Variants in TNR observed in about 807,000 individuals in gnomAD.
TNR encodes tenascin R.
TNR carries 45 observed loss-of-function variants against 150.4 expected under a neutral mutation model. The observed-to-expected ratio is 0.30, with a 90% CI of 0.24 to 0.38. The LOEUF is 0.38. Among genes scored for constraint, TNR ranks in the 10% least tolerant of loss-of-function variants. The pLI is 1.00. For synonymous variants in TNR, 687 were observed against 678.4 expected (o/e 1.01, Z -0.20); for missense variants, 1,544 against 1,759.1 (o/e 0.88, Z 2.19).
intron 12 of TNR, 96 bp from the exon 13 acceptor site, chr1:175,363,923 G>C (rs2102012475): frequency 1.4e-6 from 2 of 1,447,846 alleles, no homozygotes; most frequent in Non-Finnish European, 1.9e-6. Context: ...AGCCAATGTT[G>C]TCCCAAAGGC....
At chr1:175,469,347 C>T (rs1023486700) in intron 2 of TNR, among the ~76,000 whole-genome samples, 12 of 152,294 alleles carry the variant, frequency 7.9e-5, no homozygotes, top group Non-Finnish European at 1.6e-4. Flanking sequence ...TGTAAGAATG[C>T]ACCCACTGCC....
intron 1 of TNR, among the ~76,000 whole-genome samples, chr1:175,660,097 C>A (rs891570086): frequency 6.6e-6 from 1 of 152,106 alleles, no homozygotes; most frequent in African/African-American, 2.4e-5. Flanking sequence ...ACAGTGACTT[C>A]AAAGCAGTGT....
chr1:175,483,649 G>T (rs761213185), intron 2 of TNR, among the ~76,000 whole-genome samples: 3 of 152,224 alleles, frequency 2.0e-5, no homozygotes, highest in Non-Finnish European at 4.4e-5. Context: ...GGGAAACGAG[G>T]CTGCTATTGG....
chr1:175,340,402 A>G (rs1650465527), intron 18 of TNR, among the ~76,000 whole-genome samples: 2 of 152,248 alleles, frequency 1.3e-5, no homozygotes, highest in South Asian at 4.1e-4. Flanking sequence ...GACTATCAAG[A>G]GCAGCAACCT....
At chr1:175,394,566 G>A (rs1210940690) in intron 5 of TNR, among the ~76,000 whole-genome samples, 1 of 152,146 alleles carries the variant, frequency 6.6e-6, no homozygotes, top group African/African-American at 2.4e-5. Flanking sequence ...CACAGGTTTT[G>A]TGAGATGGAA....
At chr1:175,485,116 AC>A (rs1657955530) in intron 2 of TNR, among the ~76,000 whole-genome samples, 1 of 152,182 alleles carries the variant, frequency 6.6e-6, no homozygotes, top group African/African-American at 2.4e-5. Flanking sequence ...TATAGAAAAT[AC>A]CCAGATGAAA....
intron 2 of TNR, among the ~76,000 whole-genome samples, chr1:175,447,182 T>C (rs917524223): frequency 2.1e-5 from 3 of 144,508 alleles, no homozygotes; most frequent in Admixed American, 1.4e-4. Flanking sequence ...TTCTATCTTC[T>C]GGAAGTAGGG....
chr1:175,563,464 G>T (rs774369632), intron 1 of TNR, among the ~76,000 whole-genome samples: 5 of 152,146 alleles, frequency 3.3e-5, no homozygotes, highest in Non-Finnish European at 5.9e-5. Context: ...CTATCAAAGG[G>T]TATTAAAAGA....
At chr1:175,729,433 C>G (rs934171792) in intron 1 of TNR, among the ~76,000 whole-genome samples, 2 of 151,992 alleles carry the variant, frequency 1.3e-5, no homozygotes, top group Admixed American at 6.5e-5. Context: ...CTCTCTCTCT[C>G]TCTGTCCCCC....
In TNR at chr1:175,371,068, G is replaced by GAAA. The variant is rs35619633; in HGVS notation, c.1964-3774_1964-3772dup. Among the ~76,000 whole-genome samples the GAAA allele has an allele frequency of 3.9e-4, 57 of 145,826 alleles. 1 individual carries two copies. The highest frequency in any genetic ancestry group is 4.4e-4 in the South Asian group (2 of 4,552). Reference sequence around the variant, plus strand: ...CAGCAGGTTAGACACAGTTCTGCTGGAAAAAAAAAAAAACCACATGTATCC... The same window carrying GAAA: ...CAGCAGGTTAGACACAGTTCTGCTGGAAAAAAAAAAAAAAAACCACATGTATCC... On this transcript the variant is annotated intron_variant, in intron 9 of 22. Transcript: ENST00000367674.
chr1:175,667,930 C>A lies in TNR; in HGVS notation c.-165+75296G>T, dbSNP rs576030572. Among the ~76,000 whole-genome samples, 10 of 152,302 alleles carry A rather than the reference C, an allele frequency of 6.6e-5. No homozygotes were observed. In the South Asian group the frequency reaches 2.1e-3, roughly 32 times the overall value. On this transcript the variant is annotated intron_variant, in intron 1 of 22. Transcript: ENST00000367674. The stretch of plus-strand genomic sequence containing the variant: ...GCCAAAGAGACACAATCTACTCATG[C>A]CTTGCTACTCAAAGTGTAGCCATGG...
intron 6 of TNR, among the ~76,000 whole-genome samples, chr1:175,393,054 T>C (rs1391513418): frequency 6.6e-6 from 1 of 152,226 alleles, no homozygotes; most frequent in African/African-American, 2.4e-5. Flanking sequence ...AATTGAACTT[T>C]ATATCCTCAT....
Position 175,365,360 on chromosome 1 carries a change from G to T in TNR, c.2318-81C>A, listed in dbSNP as rs530677890. On this transcript the variant is annotated intron_variant, in intron 11 of 22. Transcript: ENST00000367674. The stretch of plus-strand genomic sequence containing the variant: ...GCTAGAAGAACTTCTTGGCTAAAGG[G>T]ACCTGCTCTCCTTGCTAATAAGGGC... 3.3e-5 allele frequency: 48 copies of T among 1,465,352 alleles called. No homozygotes were observed. The African/African-American group carries it at 6.2e-4, about 19-fold the overall frequency. 90.8% of individuals were successfully genotyped at this position (1,465,352 alleles called of 1,614,324 possible).
chr1:175,610,144 C>A (rs72725465), intron 1 of TNR, among the ~76,000 whole-genome samples: 1 of 152,218 alleles, frequency 6.6e-6, no homozygotes, highest in Non-Finnish European at 1.5e-5. Context: ...CTGGTCTCTG[C>A]AGACTGTAAG....
chr1:175,331,066 T>C (rs112179444), intron 20 of TNR, among the ~76,000 whole-genome samples: 1,167 of 99,736 alleles, frequency 0.012, 22 homozygotes, highest in African/African-American at 0.018. Flanking sequence ...TCTTTCTTTC[T>C]TTCTTTCTTT....
intron 1 of TNR, among the ~76,000 whole-genome samples, chr1:175,710,280 G>T (rs1318365873): frequency 6.6e-6 from 1 of 151,998 alleles, no homozygotes; most frequent in Non-Finnish European, 1.5e-5. Context: ...GGAAGGGAGG[G>T]ACCTGAGATG....
At chr1:175,376,565 T>C (rs1159403255) in intron 9 of TNR, among the ~76,000 whole-genome samples, 1 of 152,148 alleles carries the variant, frequency 6.6e-6, no homozygotes, top group Non-Finnish European at 1.5e-5. Context: ...GCTGAAAAAC[T>C]TAACTTTTTA....
chr1:175,352,178 T>A (rs1310178955), intron 18 of TNR, among the ~76,000 whole-genome samples: 1 of 152,144 alleles, frequency 6.6e-6, no homozygotes, highest in Non-Finnish European at 1.5e-5. Flanking sequence ...GCTGGTTTGC[T>A]TTTACAGCCC....
chr1:175,675,112 A>G (rs1181949567), intron 1 of TNR, among the ~76,000 whole-genome samples: 1 of 152,238 alleles, frequency 6.6e-6, no homozygotes, highest in African/African-American at 2.4e-5. Flanking sequence ...AGTTTGCAAG[A>G]CAGGAGCAAA....
Sources: gnomAD v4.1 joint callset for allele counts (sites outside exome capture counted in the v4.1 genomes callset) on GRCh38, gnomAD v4.1.1 for gene constraint, MANE v1.5 for transcripts, NCBI Gene and HGNC (gene_info 2026-07-23, HGNC 2026-07-21) for gene names.